Variants in SRGAP1 observed in about 807,000 individuals in gnomAD.
SRGAP1 encodes SLIT-ROBO Rho GTPase activating protein 1.
In SRGAP1, 43 loss-of-function variants were observed where a neutral mutation model predicts 121.9. That is an observed-to-expected ratio of 0.35 (90% CI 0.28 to 0.46). SRGAP1 has a LOEUF of 0.46. Ranked by LOEUF, SRGAP1 falls within the 20% of genes least tolerant of loss-of-function variation. The pLI, the probability that SRGAP1 is intolerant of heterozygous loss-of-function variation, is 1.00. For missense variants in SRGAP1, 1,102 were observed against 1,350.9 expected (o/e 0.82, Z 2.89); for synonymous variants, 447 against 485.4 (o/e 0.92, Z 1.04).
chr12:63,848,494 C>G (rs879421663), intron 1 of SRGAP1, among the ~76,000 whole-genome samples: 2 of 151,648 alleles, frequency 1.3e-5, no homozygotes, highest in African/African-American at 2.4e-5. Flanking sequence ...CTCTGGGTTT[C>G]GGTTTTCTTA....
At chr12:64,099,239 T>C (rs1414945691) in intron 15 of SRGAP1, among the ~76,000 whole-genome samples, 1 of 152,138 alleles carries the variant, frequency 6.6e-6, no homozygotes. Context: ...CATTAATCCT[T>C]ACATCATAGG....
chr12:64,067,898 A>G (rs2035568140), intron 8 of SRGAP1, among the ~76,000 whole-genome samples: 1 of 151,984 alleles, frequency 6.6e-6, no homozygotes, highest in African/African-American at 2.4e-5. Flanking sequence ...TAGCCTGGGT[A>G]ATGGAATGGG....
intron 21 of SRGAP1, among the ~76,000 whole-genome samples, chr12:64,131,675 C>G (rs1438069476): frequency 6.6e-6 from 1 of 152,202 alleles, no homozygotes; most frequent in South Asian, 2.1e-4. Flanking sequence ...TAACTTATGC[C>G]TTCAGGAGTT....
chr12:63,973,019 C>T (rs1265340837), intron 1 of SRGAP1, among the ~76,000 whole-genome samples: 2 of 151,910 alleles, frequency 1.3e-5, no homozygotes, highest in African/African-American at 2.4e-5. Context: ...TGGTGGCAGG[C>T]GCCTGTAATC....
At chr12:63,979,835 A>G (rs1383992548) in intron 1 of SRGAP1, among the ~76,000 whole-genome samples, 1 of 152,192 alleles carries the variant, frequency 6.6e-6, no homozygotes, top group Admixed American at 6.5e-5. Flanking sequence ...ATAGACTGTC[A>G]GAGAATCTAG....
intron 1 of SRGAP1, among the ~76,000 whole-genome samples, chr12:63,880,585 G>T (rs896011235): frequency 2.0e-5 from 3 of 152,158 alleles, no homozygotes; most frequent in African/African-American, 7.2e-5. Context: ...CTTCGTAGCA[G>T]TATGAAAATT....
intron 21 of SRGAP1, among the ~76,000 whole-genome samples, chr12:64,137,107 T>TAAAA (rs1409808671): frequency 6.6e-6 from 1 of 151,666 alleles, no homozygotes; most frequent in Non-Finnish European, 1.5e-5. Flanking sequence ...CTACAAAAAA[T>TAAAA]AAAAAAATTA....
chr12:64,054,501 T>A (rs977855206), intron 6 of SRGAP1, among the ~76,000 whole-genome samples: 4 of 152,156 alleles, frequency 2.6e-5, no homozygotes, highest in Non-Finnish European at 5.9e-5. Context: ...ATAACGGTAT[T>A]AAGATTTGTC....
At position 64,151,431 on chromosome 12, in the gene SRGAP1, AATGTT is replaced by A. The variant is rs2037119317; in HGVS notation, c.*8765_*8769del. ...GAAGGTTTTGTTTTTTTTTCAATTG[AATGTT>A]ATGTTGTGGTGAGCAGCTCTGTATA... is the stretch of plus-strand genomic sequence containing the variant. On this transcript the variant is annotated 3_prime_UTR_variant, in exon 22 of 22. Coordinates refer to ENST00000355086, the MANE Select transcript of SRGAP1 (RefSeq NM_020762.4). 6.6e-6 allele frequency: 1 copy of A among 151,620 alleles called. No homozygotes were observed. Among genetic ancestry groups the A allele is most frequent in the Admixed American group, 6.6e-5 (1 of 15,220 alleles). 9.4% of individuals were successfully genotyped at this position (151,620 alleles called of 1,614,324 possible).
chr12:64,147,107 G>C lies in SRGAP1; in HGVS notation c.*4435G>C, dbSNP rs931486080. 5.8e-6 allele frequency: 1 copy of C among 172,788 alleles called. No homozygotes were observed. The highest frequency in any genetic ancestry group is 2.4e-5 in the African/African-American group (1 of 42,310). The allele number at this position is 172,788 out of a possible 1,614,324, so 10.7% of individuals were successfully genotyped here. On this transcript the variant is annotated 3_prime_UTR_variant, in exon 22 of 22. Coordinates refer to ENST00000355086, the MANE Select transcript of SRGAP1 (RefSeq NM_020762.4). ...GTGATGGTTATTATAGATATTTAAAGTATAGTAAGTGGCTGTGTAACAGGA... is the reference window on the plus strand; with the variant it reads ...GTGATGGTTATTATAGATATTTAAACTATAGTAAGTGGCTGTGTAACAGGA...
intron 15 of SRGAP1, among the ~76,000 whole-genome samples, chr12:64,100,175 CTG>C (rs2036231169): frequency 6.6e-6 from 1 of 152,208 alleles, no homozygotes; most frequent in Non-Finnish European, 1.5e-5. Flanking sequence ...TGACTATAAA[CTG>C]TGGTCACATA....
At chr12:63,995,325 C>T (rs1360534231) in intron 3 of SRGAP1, among the ~76,000 whole-genome samples, 2 of 152,122 alleles carry the variant, frequency 1.3e-5, no homozygotes, top group African/African-American at 4.8e-5. Context: ...CATAAATTAG[C>T]TCACATATCC....
At chr12:63,938,248 A>G (rs966560150) in intron 1 of SRGAP1, among the ~76,000 whole-genome samples, 16 of 152,120 alleles carry the variant, frequency 1.1e-4, no homozygotes, top group African/African-American at 2.9e-4. Context: ...TCTAAATGTA[A>G]ATGCTTACAT....
chr12:64,127,523 C>A, intron 19 of SRGAP1, 67 bp from the exon 20 acceptor site: 1 of 1,497,136 alleles, frequency 6.7e-7, no homozygotes, highest in Non-Finnish European at 9.0e-7. Context: ...CATCTCCACT[C>A]ATCTAGCAAA....
chr12:64,017,676 C>T (rs1033532293), intron 4 of SRGAP1, among the ~76,000 whole-genome samples: 1 of 151,652 alleles, frequency 6.6e-6, no homozygotes, highest in African/African-American at 2.4e-5. Flanking sequence ...AAAAATGTTG[C>T]CGTTATGGAA....
intron 1 of SRGAP1, among the ~76,000 whole-genome samples, chr12:63,954,056 A>G (rs149047311): frequency 6.6e-6 from 1 of 152,294 alleles, no homozygotes; most frequent in Non-Finnish European, 1.5e-5. Context: ...GCACTCACAT[A>G]CATCCATACA....
intron 1 of SRGAP1, chr12:63,887,478 G>A (rs1900427452): frequency 1.3e-5 from 2 of 152,254 alleles, no homozygotes; most frequent in Admixed American, 1.3e-4. Flanking sequence ...GAAGGAAAAA[G>A]CTTTGCAGCC....
At chr12:64,057,803 C>T (rs1415604867) in intron 6 of SRGAP1, among the ~76,000 whole-genome samples, 1 of 152,160 alleles carries the variant, frequency 6.6e-6, no homozygotes, top group Non-Finnish European at 1.5e-5. Flanking sequence ...TAGAATAATT[C>T]TGCCGAAGAG....
intron 1 of SRGAP1, among the ~76,000 whole-genome samples, chr12:63,894,117 G>T (rs1460669586): frequency 6.6e-6 from 1 of 152,236 alleles, no homozygotes; most frequent in Non-Finnish European, 1.5e-5. Flanking sequence ...GGGATTACAG[G>T]CGTGAGCCAC....
Sources: gnomAD v4.1 joint callset for allele counts (sites outside exome capture counted in the v4.1 genomes callset) on GRCh38, gnomAD v4.1.1 for gene constraint, MANE v1.5 for transcripts, NCBI Gene and HGNC (gene_info 2026-07-23, HGNC 2026-07-21) for gene names.